Variants in TSC22D2 observed in about 807,000 individuals in gnomAD.
TSC22D2 encodes the protein TSC22 domain family protein 2.
A neutral mutation model predicts 50.1 loss-of-function variants in TSC22D2; 5 were observed. The observed-to-expected ratio is 0.10, with a 90% CI of 0.05 to 0.21. The LOEUF (loss-of-function observed/expected upper bound fraction) is 0.21. Among genes scored for constraint, TSC22D2 ranks in the 10% least tolerant of loss-of-function variants. The pLI, the probability that TSC22D2 is intolerant of heterozygous loss-of-function variation, is 1.00. For missense variants in TSC22D2, 1,003 were observed against 1,015.5 expected, an observed-to-expected ratio of 0.99 and a Z score of 0.17; for synonymous variants, 501 against 450.1, an observed-to-expected ratio of 1.11 and a Z score of -1.43.
intron 1 of TSC22D2, among the ~76,000 whole-genome samples, chr3:150,419,554 A>G (rs1719937669): frequency 6.6e-6 from 1 of 152,100 alleles, no homozygotes; most frequent in Non-Finnish European, 1.5e-5. Context: ...GTGTTTGTTG[A>G]GTGCTCAAGT....
chr3:150,456,626 GAAAA>G (rs372052854), intron 1 of TSC22D2, among the ~76,000 whole-genome samples: 5,863 of 56,758 alleles, frequency 0.1, 135 homozygotes, highest in Middle Eastern at 0.22. Flanking sequence ...GGAGGGACTA[GAAAA>G]AAAAAAGTCA....
At chr3:150,439,625 A>C (rs1000690168) in intron 1 of TSC22D2, among the ~76,000 whole-genome samples, 3 of 152,096 alleles carry the variant, frequency 2.0e-5, no homozygotes, top group Non-Finnish European at 4.4e-5. Flanking sequence ...TTTTGGGTAG[A>C]ATTTTTTTAT....
chr3:150,415,981 G>A (rs1719781462), intron 1 of TSC22D2, among the ~76,000 whole-genome samples: 1 of 152,142 alleles, frequency 6.6e-6, no homozygotes, highest in Non-Finnish European at 1.5e-5. Context: ...CAATCAAGTA[G>A]TAGAGAAACC....
rs1346479757 is a variant in TSC22D2 at position 150,463,094 on chromosome 3, A to G, written c.*4458A>G. 1 of 152,254 alleles carries G rather than the reference A, an allele frequency of 6.6e-6. No individual in the cohort carries two copies. The highest frequency in any genetic ancestry group is 1.5e-5 in the Non-Finnish European group (1 of 68,060). 9.4% of individuals were successfully genotyped at this position (152,254 alleles called of 1,614,324 possible). A position where few individuals can be genotyped will look rare whatever the true frequency, so the allele number is the denominator to read the frequency against. On this transcript the variant is annotated 3_prime_UTR_variant, in exon 3 of 3. Coordinates refer to ENST00000688009, the MANE Select transcript of TSC22D2 (RefSeq NM_001303264.2). The stretch of plus-strand genomic sequence containing the variant: ...AAGAATTTAACAAAAGGGTTGGGGA[A>G]TGGAACCTTTGCTGTCACTATGCCT...
Position 150,408,328 on chromosome 3 carries a change from T to TGC in TSC22D2, c.-1022_-1021dup, listed in dbSNP as rs1719323051. On this transcript the variant is annotated 5_prime_UTR_variant, in exon 1 of 3. Coordinates refer to ENST00000688009, the MANE Select transcript of TSC22D2 (RefSeq NM_001303264.2). ...GCAGCGGCGGCGGCAGCGGGGCTGCTGCTCCTCCCAGCATCCCTGGCGCGG... is the reference window on the plus strand; with the variant it reads ...GCAGCGGCGGCGGCAGCGGGGCTGCTGCGCTCCTCCCAGCATCCCTGGCGCGG... 6.5e-6 allele frequency: 1 copy of TGC among 153,314 alleles called. No individual in the cohort carries two copies. Among genetic ancestry groups the TGC allele is most frequent in the Non-Finnish European group, 1.5e-5 (1 of 68,270 alleles). The allele number at this position is 153,314 out of a possible 1,614,324, so 9.5% of individuals were successfully genotyped here.
intron 1 of TSC22D2, among the ~76,000 whole-genome samples, chr3:150,413,150 A>T (rs1719654406): frequency 6.6e-6 from 1 of 152,226 alleles, no homozygotes; most frequent in Admixed American, 6.5e-5. Context: ...ATGGAAACTG[A>T]AATGTATTCT....
intron 1 of TSC22D2, among the ~76,000 whole-genome samples, chr3:150,419,928 T>G (rs1338242596): frequency 1.3e-5 from 2 of 152,194 alleles, no homozygotes; most frequent in Non-Finnish European, 2.9e-5. Context: ...TAGTTTATAT[T>G]AATATCAAAT....
intron 1 of TSC22D2, among the ~76,000 whole-genome samples, chr3:150,452,346 G>A (rs986471683): frequency 1.3e-5 from 2 of 151,994 alleles, no homozygotes; most frequent in Admixed American, 1.3e-4. Context: ...TCGGGAGGCC[G>A]AGGCAGGAGA....
chr3:150,438,733 A>G (rs1212483351), intron 1 of TSC22D2, among the ~76,000 whole-genome samples: 4 of 152,050 alleles, frequency 2.6e-5, no homozygotes, highest in African/African-American at 9.7e-5. Context: ...AAAAAAATCC[A>G]TTTTCTTAAT....
chr3:150,419,472 T>A (rs1190891337), intron 1 of TSC22D2, among the ~76,000 whole-genome samples: 1 of 152,134 alleles, frequency 6.6e-6, no homozygotes, highest in Admixed American at 6.5e-5. Context: ...TTGATGTTCT[T>A]CATATTGTAT....
rs1721472037 is a variant in TSC22D2, at chr3:150,463,422, T to A, written c.*4786T>A. The A allele has an allele frequency of 6.6e-6, 1 of 152,210 alleles. No individual in the cohort carries two copies. Among genetic ancestry groups the A allele is most frequent in the Admixed American group, 6.6e-5 (1 of 15,266 alleles). The allele number at this position is 152,210 out of a possible 1,614,324, so 9.4% of individuals were successfully genotyped here. A position where few individuals can be genotyped will look rare whatever the true frequency, so the allele number is the denominator to read the frequency against. On this transcript the variant is annotated 3_prime_UTR_variant, in exon 3 of 3. Transcript: ENST00000688009. ...GCTTCAAGCCTCTTAATAATCCATA[T>A]TTCTATTTTCTAGCAATAGTAATAG...
chr3:150,434,160 T>G (rs1412231568), intron 1 of TSC22D2, among the ~76,000 whole-genome samples: 1 of 151,794 alleles, frequency 6.6e-6, no homozygotes, highest in Non-Finnish European at 1.5e-5. Flanking sequence ...TTGTTTTTTT[T>G]TTTTTTGGGA....
rs138595832 is a variant in TSC22D2 at position 150,429,029 on chromosome 3, C to T, written c.1958+17721C>T. 1.3e-5 allele frequency among the ~76,000 whole-genome samples: 2 copies of T among 152,260 alleles called. 1 individual carries two copies. Among genetic ancestry groups the T allele is most frequent in the South Asian group, 4.1e-4 (2 of 4,830 alleles). On this transcript the variant is annotated intron_variant, in intron 1 of 2. Coordinates refer to ENST00000688009, the MANE Select transcript of TSC22D2 (RefSeq NM_001303264.2). The stretch of plus-strand genomic sequence containing the variant: ...TGGAAGTACAAGCATTGGAATTGAA[C>T]TCCTTTACTTCTGTTTCGTCATTAT...
chr3:150,422,907 C>A, intron 1 of TSC22D2: 1 of 532,698 alleles, frequency 1.9e-6, no homozygotes, highest in Non-Finnish European at 3.2e-6. Context: ...TTGTTTTAAG[C>A]AAACTTATGT....
intron 1 of TSC22D2, among the ~76,000 whole-genome samples, chr3:150,440,264 A>T (rs568636668): frequency 6.6e-6 from 1 of 152,180 alleles, no homozygotes; most frequent in Non-Finnish European, 1.5e-5. Flanking sequence ...GAAGATGTGA[A>T]TTCATAAATT....
chr3:150,421,681 T>C (rs994038364), intron 1 of TSC22D2, among the ~76,000 whole-genome samples: 3 of 151,966 alleles, frequency 2.0e-5, no homozygotes, highest in African/African-American at 7.3e-5. Flanking sequence ...ATCTTGGAAG[T>C]CTTTTTTTTT....
At chr3:150,418,419 A>G (rs1363650313) in intron 1 of TSC22D2, among the ~76,000 whole-genome samples, 1 of 151,984 alleles carries the variant, frequency 6.6e-6, no homozygotes, top group Non-Finnish European at 1.5e-5. Context: ...TATTCTCTGC[A>G]TAGGTATTTA....
chr3:150,435,976 G>A (rs1305377890), intron 1 of TSC22D2, among the ~76,000 whole-genome samples: 1 of 151,986 alleles, frequency 6.6e-6, no homozygotes, highest in Non-Finnish European at 1.5e-5. Flanking sequence ...ATTTTGAAGG[G>A]TATCTGGTTA....
At chr3:150,411,929 C>A (rs1261220305) in intron 1 of TSC22D2, among the ~76,000 whole-genome samples, 1 of 151,856 alleles carries the variant, frequency 6.6e-6, no homozygotes, top group Non-Finnish European at 1.5e-5. Context: ...TGTTGTTAAG[C>A]AAAAAATGTA....
Sources: gnomAD v4.1 joint callset for allele counts (sites outside exome capture counted in the v4.1 genomes callset) on GRCh38, gnomAD v4.1.1 for gene constraint, MANE v1.5 for transcripts, NCBI Gene and HGNC (gene_info 2026-07-23, HGNC 2026-07-21) for gene names.